The following SMS variants were observed in gnomAD, a reference collection of about 807,000 sequenced individuals.
The protein encoded by SMS is spermidine aminopropyltransferase.
A neutral mutation model predicts 33.0 loss-of-function variants in SMS; 3 were observed. The ratio of observed to expected loss-of-function variants is 0.09; its 90% CI spans 0.04 to 0.23. SMS has a LOEUF of 0.23. SMS is among the 10% of genes least tolerant of loss of function. The pLI is 1.00. For missense variants in SMS, 117 were observed against 288.6 expected (o/e 0.41, Z 4.31); for synonymous variants, 103 against 112.2 (o/e 0.92, Z 0.52).
chrX:21,966,457 C>A (rs1923727725), intron 1 of SMS, among the ~76,000 whole-genome samples: 1 of 111,619 alleles, frequency 9.0e-6, no homozygotes, highest in African/African-American at 3.3e-5. Flanking sequence ...TTCAAGTGAA[C>A]CTGCGGAGGT....
intron 7 of SMS, 37 bp downstream of exon 7, chrX:21,979,003 T>C (rs749179338): frequency 1.0e-6 from 1 of 953,143 alleles, no homozygotes; most frequent in East Asian, 3.1e-5. Context: ...TTAAGTGAAC[T>C]AATAATATAA....
chrX:21,980,120 A>G (rs1924817339), intron 7 of SMS, among the ~76,000 whole-genome samples: 1 of 110,855 alleles, frequency 9.0e-6, no homozygotes. Context: ...GGATTTAGTT[A>G]GAAGTGTAAA....
At chrX:21,967,358 T>C (rs772075032) in intron 2 of SMS, 42 bp downstream of exon 2, 4 of 1,193,336 alleles carry the variant, frequency 3.4e-6, no homozygotes, top group East Asian at 3.0e-5. Context: ...TGGTCACTTA[T>C]GAGCAGAGAG....
At chrX:21,947,979 A>G (rs1168022054) in intron 1 of SMS, among the ~76,000 whole-genome samples, 2 of 111,075 alleles carry the variant, frequency 1.8e-5, no homozygotes, top group African/African-American at 6.5e-5. Flanking sequence ...TTCCTTTGGC[A>G]TGCGCTTTTG....
intron 1 of SMS, among the ~76,000 whole-genome samples, chrX:21,942,905 T>C (rs746625506): frequency 9.5e-6 from 1 of 105,341 alleles, no homozygotes; most frequent in Admixed American, 1.0e-4. Flanking sequence ...AGTGGTGCGA[T>C]CTCGGCTCAC....
chrX:21,981,471 A>T (rs1602215680), intron 7 of SMS, among the ~76,000 whole-genome samples: 2 of 108,785 alleles, frequency 1.8e-5, no homozygotes, highest in South Asian at 8.0e-4. Flanking sequence ...AAAAAGAATC[A>T]TAGTGTGAAG....
At chrX:21,985,305 A>G (rs1172916907) in intron 9 of SMS, 82 bp downstream of exon 9, 8 of 579,716 alleles carry the variant, frequency 1.4e-5, no homozygotes, top group South Asian at 2.3e-5. Context: ...TTTGAAATGT[A>G]TATCTATTAA....
intron 2 of SMS, among the ~76,000 whole-genome samples, chrX:21,971,347 A>C (rs758592244): frequency 9.8e-6 from 1 of 101,906 alleles, no homozygotes; most frequent in Non-Finnish European, 2.0e-5. Flanking sequence ...CATTTTTAAA[A>C]ATCTTTAAAA....
intron 1 of SMS, among the ~76,000 whole-genome samples, chrX:21,948,571 C>T (rs1305799322): frequency 1.8e-5 from 2 of 109,349 alleles, no homozygotes; most frequent in Non-Finnish European, 3.8e-5. Context: ...GCCTTAGCTA[C>T]CTTCTCAGGA....
At chrX:21,984,796 G>GT (rs1172588897) in intron 8 of SMS, among the ~76,000 whole-genome samples, 6 of 111,704 alleles carry the variant, frequency 5.4e-5, no homozygotes, top group Non-Finnish European at 9.4e-5. Flanking sequence ...GCTAGTTCGT[G>GT]TTTTTTTCTA....
chrX:21,970,185 G>A (rs1924032674), intron 2 of SMS, among the ~76,000 whole-genome samples: 1 of 112,019 alleles, frequency 8.9e-6, no homozygotes, highest in African/African-American at 3.2e-5. Context: ...ACCCCGAGGT[G>A]CCTGTCCTGA....
intron 2 of SMS, among the ~76,000 whole-genome samples, chrX:21,968,517 T>A (rs769663261): frequency 9.0e-6 from 1 of 111,532 alleles, no homozygotes; most frequent in Admixed American, 9.5e-5. Context: ...AATAAGTGGA[T>A]CTGCGGCAGG....
intron 1 of SMS, among the ~76,000 whole-genome samples, chrX:21,946,028 A>G (rs1176888333): frequency 2.7e-5 from 3 of 112,652 alleles, no homozygotes; most frequent in African/African-American, 9.7e-5. Flanking sequence ...TTGTTAGGCA[A>G]GGAGAAAAAC....
chrX:21,968,058 A>AG, intron 2 of SMS, among the ~76,000 whole-genome samples: 1 of 112,282 alleles, frequency 8.9e-6, no homozygotes, highest in South Asian at 3.7e-4. Flanking sequence ...TTTGCAGCAG[A>AG]GGCCCGTAGG....
intron 1 of SMS, among the ~76,000 whole-genome samples, chrX:21,943,941 A>G (rs1271021042): frequency 1.8e-5 from 2 of 111,882 alleles, no homozygotes; most frequent in East Asian, 5.6e-4. Context: ...ATGTGACTCA[A>G]GGGTGAGTCA....
intron 7 of SMS, among the ~76,000 whole-genome samples, chrX:21,979,352 C>G (rs1054546642): frequency 5.5e-5 from 6 of 109,606 alleles, no homozygotes; most frequent in African/African-American, 2.0e-4. Context: ...TATCCTTCCC[C>G]TAGCCCCCTA....
At chrX:21,960,940 ATT>A (rs1337648409) in intron 1 of SMS, among the ~76,000 whole-genome samples, 1 of 107,737 alleles carries the variant, frequency 9.3e-6, no homozygotes, top group East Asian at 2.9e-4. Context: ...AGAATTGCAT[ATT>A]TCCTTAGGGC....
intron 1 of SMS, among the ~76,000 whole-genome samples, chrX:21,951,920 GAA>G (rs1438401609): frequency 8.9e-6 from 1 of 111,778 alleles, no homozygotes; most frequent in Non-Finnish European, 1.9e-5. Flanking sequence ...GAAATGTAAA[GAA>G]AGAGGGGATA....
intron 2 of SMS, 132 bp downstream of exon 2, chrX:21,967,448 G>C: frequency 1.5e-6 from 1 of 687,831 alleles, no homozygotes; most frequent in Admixed American, 2.5e-5. Context: ...AATGGAACTT[G>C]GTGCTTCTCA....
Sources: gnomAD v4.1 joint callset for allele counts (sites outside exome capture counted in the v4.1 genomes callset) on GRCh38, gnomAD v4.1.1 for gene constraint, MANE v1.5 for transcripts, NCBI Gene and HGNC (gene_info 2026-07-23, HGNC 2026-07-21) for gene names.